The following HERC5 variants were observed in gnomAD, a reference collection of about 807,000 sequenced individuals.
HERC5 encodes the protein E3 ISG15--protein ligase HERC5.
Under a neutral mutation model 119.6 loss-of-function variants are expected in HERC5, and 99 were observed. That is an observed-to-expected ratio of 0.83 (90% confidence interval 0.70 to 0.98). The LOEUF is 0.98. HERC5 is among the 50% of genes least tolerant of loss of function. The pLI is 0.00. For missense variants in HERC5, 1,267 were observed against 1,241.3 expected (o/e 1.02, Z -0.31); for synonymous variants, 478 against 445.9 (o/e 1.07, Z -0.91).
chr4:88,459,221 C>G, intron 1 of HERC5, 126 bp from the exon 2 acceptor site: 3 of 709,068 alleles, frequency 4.2e-6, no homozygotes, highest in Non-Finnish European at 6.4e-6. Flanking sequence ...AAGAGAAGTT[C>G]ATGGTAAGTC....
In HERC5 at chr4:88,479,383, C is replaced by CT; in HGVS notation, c.1616dup (p.Ser540GlnfsTer8). ...TATTGGGCAACTCTGCAAGAATCCACTTTCAGCAAACTGGTCCAGATGTTT... is the reference window on the plus strand; with the variant it reads ...TATTGGGCAACTCTGCAAGAATCCACTTTTCAGCAAACTGGTCCAGATGTTT... On this transcript the variant is annotated frameshift_variant, in exon 13 of 23. Transcript: ENST00000264350. LOFTEE classifies it high-confidence loss of function. 6.2e-7 allele frequency: 1 copy of CT among 1,608,932 alleles called. No individual in the cohort carries two copies. The highest frequency in any genetic ancestry group is 8.5e-7 in the Non-Finnish European group (1 of 1,178,608).
chr4:88,478,181 ACTC>A (rs889146180), intron 12 of HERC5, among the ~76,000 whole-genome samples: 2 of 152,116 alleles, frequency 1.3e-5, no homozygotes, highest in Non-Finnish European at 2.9e-5. Flanking sequence ...TAATCTTTGA[ACTC>A]CTGGGCTTAA....
intron 3 of HERC5, among the ~76,000 whole-genome samples, chr4:88,461,113 A>G (rs1361659717): frequency 6.6e-6 from 1 of 152,256 alleles, no homozygotes; most frequent in African/African-American, 2.4e-5. Flanking sequence ...CATAAACTGA[A>G]TAGAATCTGG....
At chr4:88,475,703 G>T (rs1171962236) in intron 11 of HERC5, 138 bp from the exon 12 acceptor site, 3 of 736,202 alleles carry the variant, frequency 4.1e-6, no homozygotes, top group Middle Eastern at 2.4e-4. Context: ...GTAAACAGGG[G>T]TTTTAGAAAA....
rs181397573 is a variant in HERC5, at chr4:88,481,947, C to A, written c.1737+2440C>A. 5.9e-5 allele frequency among the ~76,000 whole-genome samples: 9 copies of A among 152,252 alleles called. No individual in the cohort carries two copies. The East Asian group carries it at 1.5e-3, about 26-fold the overall frequency. ...CTGTCCTCCTCTTTTGACAAATAAACCTTCATAATGACAGGGAGGGCCAGG... is the reference window on the plus strand; with the variant it reads ...CTGTCCTCCTCTTTTGACAAATAAAACTTCATAATGACAGGGAGGGCCAGG... On this transcript the variant is annotated intron_variant, in intron 13 of 22. Coordinates refer to ENST00000264350, the MANE Select transcript of HERC5 (RefSeq NM_016323.4).
In HERC5 at chr4:88,470,612, A is replaced by G; in HGVS notation, c.1239-2A>G. Reference sequence around the variant, plus strand: ...TTAACCAGTGTCTTATTACTAATATAGGGAAATCCAAGAGATATTTTCATC... The same window carrying G: ...TTAACCAGTGTCTTATTACTAATATGGGGAAATCCAAGAGATATTTTCATC... On this transcript the variant is annotated splice_acceptor_variant, in intron 9 of 22. Coordinates refer to ENST00000264350, the MANE Select transcript of HERC5 (RefSeq NM_016323.4). LOFTEE classifies it high-confidence loss of function. 2 of 1,496,622 alleles carry G rather than the reference A, an allele frequency of 1.3e-6. No homozygotes were observed. The highest frequency in any genetic ancestry group is 1.9e-6 in the Non-Finnish European group (2 of 1,079,224). The allele number at this position is 1,496,622 out of a possible 1,614,324, so 92.7% of individuals were successfully genotyped here.
chr4:88,488,146 C>T (rs1391748646), intron 15 of HERC5, among the ~76,000 whole-genome samples: 1 of 152,138 alleles, frequency 6.6e-6, no homozygotes, highest in South Asian at 2.1e-4. Context: ...CCTATTCTCT[C>T]CTGATTTTAA....
chr4:88,466,963 C>G (rs934125924), intron 6 of HERC5, 96 bp from the exon 7 acceptor site: 3 of 1,183,332 alleles, frequency 2.5e-6, no homozygotes, highest in Admixed American at 1.9e-5. Flanking sequence ...GTTTCACTCT[C>G]ACTGGGTAAC....
At chr4:88,500,630 A>G (rs1302680246) in intron 19 of HERC5, among the ~76,000 whole-genome samples, 2 of 152,256 alleles carry the variant, frequency 1.3e-5, no homozygotes, top group Non-Finnish European at 2.9e-5. Flanking sequence ...AATCTACCAT[A>G]CTGGGTCTAT....
intron 12 of HERC5, among the ~76,000 whole-genome samples, chr4:88,478,434 A>G (rs371895637): frequency 6.6e-5 from 10 of 152,072 alleles, no homozygotes; most frequent in African/African-American, 2.4e-4. Flanking sequence ...TTACTAGTGG[A>G]TGGGGGTGGA....
At chr4:88,490,847 G>C (rs944330550) in intron 16 of HERC5, among the ~76,000 whole-genome samples, 1 of 151,884 alleles carries the variant, frequency 6.6e-6, no homozygotes, top group Non-Finnish European at 1.5e-5. Flanking sequence ...TCTGTCTCAA[G>C]GAAAAAAATA....
At chr4:88,471,472 C>T (rs1740868143) in intron 10 of HERC5, among the ~76,000 whole-genome samples, 1 of 151,868 alleles carries the variant, frequency 6.6e-6, no homozygotes, top group African/African-American at 2.4e-5. Flanking sequence ...TTCCACGTAG[C>T]TGGGACTACA....
chr4:88,505,614 T>A (rs1017509020), intron 22 of HERC5, 59 bp from the exon 23 acceptor site: 1 of 985,016 alleles, frequency 1.0e-6, no homozygotes, highest in Non-Finnish European at 1.5e-6. Context: ...TTTTTTTCTC[T>A]GTAAAGAGAT....
rs148931573 is a variant in HERC5, at chr4:88,467,725, G to A, written c.1057+521G>A. ...GATAAAGAGACTTGGAGAGAAAAGG[G>A]TTAGCCACTTAATCATGGCCAGTAA... On this transcript the variant is annotated intron_variant, in intron 7 of 22. Transcript: ENST00000264350. 4.1e-4 allele frequency: 66 copies of A among 161,178 alleles called. 1 individual carries two copies. The highest frequency in any genetic ancestry group is 7.6e-4 in the Non-Finnish European group (58 of 75,830). The allele number at this position is 161,178 out of a possible 1,614,324, so 10.0% of individuals were successfully genotyped here. A position where few individuals can be genotyped will look rare whatever the true frequency, so the allele number is the denominator to read the frequency against.
At position 88,504,501 on chromosome 4, in the gene HERC5, C is replaced by T. The variant is rs1393213839; in HGVS notation, c.2773C>T (p.Arg925Cys). The T allele has an allele frequency of 5.7e-6, 9 of 1,573,852 alleles. No individual in the cohort carries two copies. Among genetic ancestry groups the T allele is most frequent in the East Asian group, 2.3e-5 (1 of 44,310 alleles). Residue 925 changes from arginine to cysteine, a missense_variant, in exon 22 of 23, where the codon CGT (arginine) becomes TGT (cysteine). Arg to Cys is a radical substitution (Grantham distance 180, BLOSUM62 -3). This residue lies in a region of HERC5 where 473 missense variants were observed against 445.7 expected (regional missense o/e 1.06). Transcript: ENST00000264350. ...YDWKTFEKNARYEPGYNSSHP... is the reference protein window; with the variant it reads ...YDWKTFEKNACYEPGYNSSHP... ...TTTTTTGTATTTTCTCTAGAATGCACGTTATGAACCAGGATATAACAGTTC... is the reference window on the plus strand; with the variant it reads ...TTTTTTGTATTTTCTCTAGAATGCATGTTATGAACCAGGATATAACAGTTC...
At chr4:88,484,327 A>G (rs1169205362) in intron 13 of HERC5, among the ~76,000 whole-genome samples, 2 of 151,992 alleles carry the variant, frequency 1.3e-5, no homozygotes, top group Non-Finnish European at 2.9e-5. Context: ...ATGCTCATGT[A>G]TGTTGTGATT....
At chr4:88,501,948 GCCACCACGCCCAA>G (rs2149109889) in intron 20 of HERC5, among the ~76,000 whole-genome samples, 1 of 152,034 alleles carries the variant, frequency 6.6e-6, no homozygotes, top group East Asian at 1.9e-4. Flanking sequence ...ACAGGCGCCC[GCCACCACGCCCAA>G]CTAATTTTTT....
At chr4:88,467,827 C>T (rs1740727559) in intron 7 of HERC5, 1 of 939,044 alleles carries the variant, frequency 1.1e-6, no homozygotes, top group African/African-American at 1.8e-5. Flanking sequence ...TGTAGAAGCA[C>T]CTTGGAGCAT....
In HERC5 at chr4:88,462,236, G is replaced by C. The variant is rs1265373610; in HGVS notation, c.568G>C (p.Gly190Arg). The stretch of plus-strand genomic sequence containing the variant: ...ACCACAGATTGTGGAGCACCTCGCA[G>C]GAGTACCCTTGGCTCAGATTTCTGC... ...TTPQIVEHLA[G>R]VPLAQISAGE... Residue 190 changes from glycine (G) to arginine (R), a missense_variant, in exon 4 of 23, where the codon GGA becomes CGA. By Grantham distance (125) the Gly-to-Arg change is moderately radical. Transcript: ENST00000264350. 6.2e-7 allele frequency: 1 copy of C among 1,614,178 alleles called. No individual in the cohort carries two copies. Among genetic ancestry groups the C allele is most frequent in the Admixed American group, 1.7e-5 (1 of 60,018 alleles).
Sources: allele counts gnomAD v4.1 joint callset (sites outside exome capture counted in the v4.1 genomes callset), GRCh38; gene constraint gnomAD v4.1.1; regional missense constraint gnomAD v4.1.1; transcripts MANE v1.5; gene names NCBI Gene and HGNC (gene_info 2026-07-23, HGNC 2026-07-21).